The following AP2B1 variants were observed in gnomAD, a reference collection of about 807,000 sequenced individuals.
The protein encoded by AP2B1 is AP-2 complex subunit beta.
In AP2B1, 23 loss-of-function variants were observed where a neutral mutation model predicts 102.0. That is an observed-to-expected ratio of 0.23 (90% CI 0.16 to 0.32). AP2B1 has a LOEUF of 0.32. AP2B1 is among the 10% of genes least tolerant of loss of function. The pLI, the probability that AP2B1 is intolerant of heterozygous loss-of-function variation, is 1.00. For missense variants in AP2B1, 541 were observed against 1,157.4 expected (o/e 0.47, Z 7.73); for synonymous variants, 381 against 421.2 (o/e 0.90, Z 1.17).
At chr17:35,722,511 A>C (rs2143015554) in intron 21 of AP2B1, among the ~76,000 whole-genome samples, 1 of 152,216 alleles carries the variant, frequency 6.6e-6, no homozygotes, top group East Asian at 1.9e-4. Flanking sequence ...GTTTTTTTGC[A>C]TTTTAAATTT....
chr17:35,649,800 T>C (rs962904421), intron 12 of AP2B1, among the ~76,000 whole-genome samples: 2 of 152,182 alleles, frequency 1.3e-5, no homozygotes, highest in Admixed American at 6.5e-5. Flanking sequence ...CTCACTCTGT[T>C]GCCCAGTCTG....
intron 18 of AP2B1, among the ~76,000 whole-genome samples, chr17:35,684,328 G>C (rs936451904): frequency 6.6e-6 from 1 of 152,136 alleles, no homozygotes; most frequent in East Asian, 1.9e-4. Context: ...AATGATGAAA[G>C]AAAAATGTCA....
intron 3 of AP2B1, among the ~76,000 whole-genome samples, chr17:35,604,476 G>A (rs1285380278): frequency 2.6e-5 from 4 of 151,706 alleles, no homozygotes; most frequent in African/African-American, 9.7e-5. Flanking sequence ...AAAGACACTT[G>A]CCTGTGCGTG....
intron 17 of AP2B1, among the ~76,000 whole-genome samples, chr17:35,676,259 C>T (rs1288880395): frequency 6.6e-6 from 1 of 152,056 alleles, no homozygotes; most frequent in East Asian, 1.9e-4. Context: ...TTCTTTTTCT[C>T]ATTTTATTCT....
At chr17:35,607,256 T>TA (rs376391533) in intron 4 of AP2B1, among the ~76,000 whole-genome samples, 19 of 152,118 alleles carry the variant, frequency 1.2e-4, no homozygotes, top group African/African-American at 4.3e-4. Flanking sequence ...AGTGTACATT[T>TA]AAAAAAAACA....
At chr17:35,693,577 G>A (rs889632083) in intron 18 of AP2B1, among the ~76,000 whole-genome samples, 3 of 152,114 alleles carry the variant, frequency 2.0e-5, no homozygotes, top group Non-Finnish European at 4.4e-5. Flanking sequence ...AATCCATTTA[G>A]AAGGAGGGAC....
chr17:35,710,367 T>C, intron 20 of AP2B1, 47 bp downstream of exon 20: 2 of 1,302,140 alleles, frequency 1.5e-6, no homozygotes, highest in Non-Finnish European at 2.2e-6. Context: ...TAAATCAAAT[T>C]AGATATTTGA....
chr17:35,612,938 G>A (rs140899502), intron 5 of AP2B1, among the ~76,000 whole-genome samples: 9 of 149,434 alleles, frequency 6.0e-5, no homozygotes, highest in East Asian at 5.9e-4. Flanking sequence ...AAGTGTTTAC[G>A]TTTGAATACA....
intron 1 of AP2B1, among the ~76,000 whole-genome samples, chr17:35,590,394 C>T: frequency 6.6e-6 from 1 of 152,038 alleles, no homozygotes; most frequent in African/African-American, 2.4e-5. Context: ...AATTCACGTA[C>T]CATAAAATTA....
intron 9 of AP2B1, 52 bp from the exon 10 acceptor site, chr17:35,636,289 G>T (rs185114974): frequency 3.9e-6 from 5 of 1,273,504 alleles, no homozygotes; most frequent in African/African-American, 2.9e-5. Flanking sequence ...TGTTGAGGTG[G>T]TGTTATCGCA....
intron 18 of AP2B1, among the ~76,000 whole-genome samples, chr17:35,686,288 G>A (rs931010625): frequency 6.6e-6 from 1 of 152,184 alleles, no homozygotes; most frequent in African/African-American, 2.4e-5. Flanking sequence ...AAAGAGAATT[G>A]ATTCTCTCTG....
chr17:35,698,448 T>C (rs116448469), intron 18 of AP2B1, among the ~76,000 whole-genome samples: 2,146 of 152,284 alleles, frequency 0.014, 55 homozygotes, highest in African/African-American at 0.045. Context: ...TAGTTGGGAC[T>C]GTAGGTGTGC....
intron 18 of AP2B1, among the ~76,000 whole-genome samples, chr17:35,692,766 A>G (rs2076064420): frequency 1.3e-5 from 2 of 152,212 alleles, no homozygotes; most frequent in African/African-American, 4.8e-5. Context: ...GCTTTGAGCC[A>G]TGTGACCATG....
intron 12 of AP2B1, among the ~76,000 whole-genome samples, chr17:35,648,245 G>T (rs1010514047): frequency 6.6e-6 from 1 of 152,180 alleles, no homozygotes; most frequent in Non-Finnish European, 1.5e-5. Context: ...GCCAGACACG[G>T]TGGCTTATGC....
chr17:35,657,899 T>C (rs1363943606), intron 14 of AP2B1, 108 bp downstream of exon 14: 3 of 938,222 alleles, frequency 3.2e-6, no homozygotes, highest in African/African-American at 1.7e-5. Context: ...TGATGAGCAG[T>C]AGTGTCCTTT....
intron 21 of AP2B1, among the ~76,000 whole-genome samples, chr17:35,720,545 T>TTTTATATATATATATATATATATA (rs1402145369): frequency 3.7e-5 from 2 of 54,376 alleles, no homozygotes; most frequent in African/African-American, 1.7e-4. Context: ...TTTATTTTAT[T>TTTTATATATATATATATATATATA]TATATATATA....
chr17:35,673,634 C>T (rs2142968661), intron 16 of AP2B1, among the ~76,000 whole-genome samples: 1 of 152,170 alleles, frequency 6.6e-6, no homozygotes, highest in South Asian at 2.1e-4. Context: ...TTACTATTTA[C>T]CACAAACTAT....
At chr17:35,701,709 C>T (rs73285273) in intron 18 of AP2B1, among the ~76,000 whole-genome samples, 109 of 152,272 alleles carry the variant, frequency 7.2e-4, no homozygotes, top group African/African-American at 2.5e-3. Context: ...CCCCTATCCT[C>T]CTATCCTCTT....
chr17:35,710,059 T>C (rs948541465), intron 19 of AP2B1, among the ~76,000 whole-genome samples, 175 bp from the exon 20 acceptor site: 19 of 152,236 alleles, frequency 1.2e-4, no homozygotes, highest in African/African-American at 4.6e-4. Flanking sequence ...TGATGACGGA[T>C]TAATTGATCT....
Sources: allele counts gnomAD v4.1 joint callset (sites outside exome capture counted in the v4.1 genomes callset), GRCh38; gene constraint gnomAD v4.1.1; transcripts MANE v1.5; gene names NCBI Gene and HGNC (gene_info 2026-07-23, HGNC 2026-07-21).